The following DPP6 variants were observed in gnomAD, a reference collection of about 807,000 sequenced individuals.
DPP6 encodes the protein A-type potassium channel modulatory protein DPP6.
DPP6 carries 69 observed loss-of-function variants against 122.6 expected under a neutral mutation model. The observed-to-expected ratio is 0.56, with a 90% CI of 0.46 to 0.69. The LOEUF is 0.69. Ranked by LOEUF, DPP6 falls within the 30% of genes least tolerant of loss-of-function variation. The pLI is 0.00. For missense variants in DPP6, 928 were observed against 1,116.9 expected (o/e 0.83, Z 2.41); for synonymous variants, 418 against 433.1 (o/e 0.97, Z 0.43).
At chr7:153,997,593 GCACA>G (rs3980023) in intron 1 of DPP6, among the ~76,000 whole-genome samples, 1 of 145,982 alleles carries the variant, frequency 6.9e-6, no homozygotes, top group African/African-American at 2.6e-5. Flanking sequence ...TGAGTGCACA[GCACA>G]CACACACACA....
At chr7:154,590,908 G>A (rs1180309926) in intron 5 of DPP6, among the ~76,000 whole-genome samples, 1 of 152,112 alleles carries the variant, frequency 6.6e-6, no homozygotes, top group African/African-American at 2.4e-5. Context: ...CCATAATGAT[G>A]GCCTCGACAA....
intron 5 of DPP6, among the ~76,000 whole-genome samples, chr7:154,635,176 G>C (rs1013978596): frequency 2.6e-5 from 4 of 152,210 alleles, no homozygotes; most frequent in African/African-American, 9.6e-5. Context: ...TGTACAAATA[G>C]GACAATAATA....
chr7:154,217,938 G>A (rs1478435355), intron 1 of DPP6, among the ~76,000 whole-genome samples: 1 of 152,218 alleles, frequency 6.6e-6, no homozygotes, highest in East Asian at 1.9e-4. Flanking sequence ...CAGCTGGCGG[G>A]AGTGAATGAC....
chr7:153,785,012 G>A, the DPP6 span, among the ~76,000 whole-genome samples: 2 of 152,130 alleles, frequency 1.3e-5, no homozygotes, highest in African/African-American at 2.4e-5. Context: ...TACAGGTAAT[G>A]CATAAATGCA....
intron 3 of DPP6, among the ~76,000 whole-genome samples, chr7:154,484,769 C>T (rs960343770): frequency 2.0e-5 from 3 of 152,152 alleles, no homozygotes; most frequent in Non-Finnish European, 1.5e-5. Context: ...CTCTAGGATG[C>T]GGTACTAGAG....
intron 1 of DPP6, among the ~76,000 whole-genome samples, chr7:154,125,574 C>T (rs1207342675): frequency 6.6e-6 from 1 of 152,162 alleles, no homozygotes; most frequent in Middle Eastern, 3.2e-3. Context: ...AGGAAGTCAT[C>T]GTTCTAACAC....
At chr7:154,295,451 G>T (rs1319510340) in intron 1 of DPP6, among the ~76,000 whole-genome samples, 1 of 152,150 alleles carries the variant, frequency 6.6e-6, no homozygotes, top group Non-Finnish European at 1.5e-5. Context: ...TCCTTGTGAA[G>T]GTTAGATAAG....
At position 153,921,496 on chromosome 7, in the gene DPP6, G is replaced by A. The variant is rs551202778; in HGVS notation, c.51+33762G>A. On this transcript the variant is annotated intron_variant, in intron 1 of 25. Transcript: ENST00000404039. ...TAACTCATAACATTTTTGAGTAAAAGAAAATGAGGGTAGAGAAATCAATCA... is the reference window on the plus strand; with the variant it reads ...TAACTCATAACATTTTTGAGTAAAAAAAAATGAGGGTAGAGAAATCAATCA... 1.8e-4 allele frequency among the ~76,000 whole-genome samples: 27 copies of A among 152,298 alleles called. No homozygotes were observed. In the South Asian group the frequency reaches 4.1e-3, roughly 23 times the overall value.
intron 1 of DPP6, among the ~76,000 whole-genome samples, chr7:154,274,691 A>C (rs896279890): frequency 6.6e-6 from 1 of 152,122 alleles, no homozygotes; most frequent in African/African-American, 2.4e-5. Context: ...CAAAATCTGC[A>C]AGTCTGTCTA....
In DPP6 at chr7:154,847,432, G is replaced by A. The variant is rs145733584; in HGVS notation, c.1667-6348G>A. 3.8e-3 allele frequency among the ~76,000 whole-genome samples: 574 copies of A among 152,258 alleles called. 1 individual carries two copies. The highest frequency in any genetic ancestry group is 5.8e-3 in the Non-Finnish European group (394 of 68,020). On this transcript the variant is annotated intron_variant, in intron 16 of 25. Transcript: ENST00000377770. ...TTAGGGAAGGAATGCAAATGACATC[G>A]TAGCTATTTGTTATGTCTTGTTTTT...
chr7:154,839,750 C>T (rs1801369105), intron 16 of DPP6, among the ~76,000 whole-genome samples: 1 of 152,058 alleles, frequency 6.6e-6, no homozygotes, highest in African/African-American at 2.4e-5. Flanking sequence ...AGGCAAAGAA[C>T]AGCACAGCCC....
chr7:154,843,170 C>A (rs567823004), intron 16 of DPP6, among the ~76,000 whole-genome samples: 1 of 152,142 alleles, frequency 6.6e-6, no homozygotes, highest in Non-Finnish European at 1.5e-5. Context: ...GGCGTGGTGG[C>A]GCATGCCTGG....
chr7:153,916,116 G>A (rs1201416564), intron 1 of DPP6, among the ~76,000 whole-genome samples: 5 of 150,268 alleles, frequency 3.3e-5, no homozygotes, highest in Admixed American at 6.6e-5. Context: ...ACAGGCGCCC[G>A]CCACTGCGCC....
intron 1 of DPP6, among the ~76,000 whole-genome samples, chr7:154,268,230 T>C (rs1803563944): frequency 6.6e-6 from 1 of 152,204 alleles, no homozygotes; most frequent in Admixed American, 6.5e-5. Flanking sequence ...AGACAAAGCT[T>C]ATCTACATCA....
At chr7:153,997,032 T>C (rs539104898) in intron 1 of DPP6, among the ~76,000 whole-genome samples, 2 of 148,164 alleles carry the variant, frequency 1.3e-5, no homozygotes, top group Admixed American at 6.7e-5. Context: ...TCTTTATGCC[T>C]CTCTCTCTCT....
chr7:153,898,073 AACAG>A (rs1446536002), intron 1 of DPP6, among the ~76,000 whole-genome samples: 42 of 152,366 alleles, frequency 2.8e-4, no homozygotes, highest in African/African-American at 9.6e-4. Context: ...AGTGGGTACA[AACAG>A]ACAGATAGAA....
At chr7:154,224,140 C>A (rs1403217484) in intron 1 of DPP6, among the ~76,000 whole-genome samples, 1 of 148,618 alleles carries the variant, frequency 6.7e-6, no homozygotes, top group Non-Finnish European at 1.5e-5. Flanking sequence ...GGCAGAGACA[C>A]AGGCAGCCTG....
In DPP6 at chr7:153,964,815, T is replaced by C. The variant is rs1585099901; in HGVS notation, c.51+77081T>C. 4.4e-5 allele frequency among the ~76,000 whole-genome samples: 2 copies of C among 45,360 alleles called. 1 individual carries two copies. The highest frequency in any genetic ancestry group is 3.7e-4 in the African/African-American group (2 of 5,336). The allele number at this position is 45,360 out of a possible 152,430, so 29.8% of individuals were successfully genotyped here. ...TCCTTTCCTTTCCTTTCCTTTCCTTTCCTTTCCTTTCCTTTTCCTTTTCCT... is the reference window on the plus strand; with the variant it reads ...TCCTTTCCTTTCCTTTCCTTTCCTTCCCTTTCCTTTCCTTTTCCTTTTCCT... On this transcript the variant is annotated intron_variant, in intron 1 of 25. Transcript: ENST00000404039.
intron 1 of DPP6, among the ~76,000 whole-genome samples, chr7:154,192,935 C>A (rs1798685484): frequency 6.6e-6 from 1 of 152,188 alleles, no homozygotes; most frequent in Non-Finnish European, 1.5e-5. Context: ...GATGCTCATG[C>A]ATCATTTGAA....
Sources: allele counts gnomAD v4.1 joint callset (sites outside exome capture counted in the v4.1 genomes callset), GRCh38; gene constraint gnomAD v4.1.1; transcripts MANE v1.5; gene names NCBI Gene and HGNC (gene_info 2026-07-23, HGNC 2026-07-21).